Variants in DCP1A observed in about 807,000 individuals in gnomAD.
DCP1A encodes decapping mRNA 1A.
In DCP1A, 20 loss-of-function variants were observed where a neutral mutation model predicts 58.0. That is an observed-to-expected ratio of 0.34 (90% CI 0.24 to 0.50). DCP1A has a LOEUF of 0.50. Among genes scored for constraint, DCP1A ranks in the 20% least tolerant of loss-of-function variants. The probability of loss-of-function intolerance (pLI) is 0.98; values close to 1 mark genes in which losing one functional copy is unlikely to be tolerated. For synonymous variants in DCP1A, 285 were observed against 275.1 expected (o/e 1.04, Z -0.36); for missense variants, 613 against 712.2 (o/e 0.86, Z 1.59).
chr3:53,309,154 G>A (rs1479926702), intron 5 of DCP1A, among the ~76,000 whole-genome samples: 4 of 151,434 alleles, frequency 2.6e-5, no homozygotes, highest in Admixed American at 1.3e-4. Flanking sequence ...GGCCAATCAC[G>A]AGGTCAAGAG....
chr3:53,328,448 CAT>C (rs1708172025), intron 3 of DCP1A, among the ~76,000 whole-genome samples: 1 of 151,666 alleles, frequency 6.6e-6, no homozygotes, highest in Admixed American at 6.6e-5. Context: ...GAATATTTAA[CAT>C]AATTATCTAA....
rs374242631 is a variant in DCP1A at position 53,321,383 on chromosome 3, A to G, written c.305-1910T>C. On this transcript the variant is annotated intron_variant, in intron 3 of 9. Transcript: ENST00000610213. ...GGTTAACGGAGAGACTAAGTAACTT[A>G]TTAACAAATTAGAGAAAAAAATCAG... Among the ~76,000 whole-genome samples the G allele has an allele frequency of 1.1e-4, 16 of 152,360 alleles. No individual in the cohort carries two copies. In the South Asian group the frequency reaches 1.7e-3, roughly 16 times the overall value.
chr3:53,314,717 G>A (rs1382771228), intron 4 of DCP1A, among the ~76,000 whole-genome samples: 5 of 141,246 alleles, frequency 3.5e-5, no homozygotes, highest in Non-Finnish European at 7.6e-5. Flanking sequence ...TGTCACCCGG[G>A]CTAGAGTGCA....
intron 3 of DCP1A, among the ~76,000 whole-genome samples, chr3:53,341,577 T>C (rs1553692546): frequency 6.6e-6 from 1 of 152,168 alleles, no homozygotes; most frequent in Non-Finnish European, 1.5e-5. Flanking sequence ...CAGCTGATAG[T>C]CCACAGCTGC....
chr3:53,291,069 G>T (rs73843112), intron 7 of DCP1A, among the ~76,000 whole-genome samples: 1,569 of 152,234 alleles, frequency 0.01, 22 homozygotes, highest in African/African-American at 0.036. Flanking sequence ...AGAGCTCTGC[G>T]ACAGCCTCTC....
intron 3 of DCP1A, among the ~76,000 whole-genome samples, chr3:53,338,537 T>TGGGGTGGGTGTAGATGGGC (rs1454617141): frequency 8.3e-4 from 126 of 151,606 alleles, no homozygotes; most frequent in Non-Finnish European, 1.3e-3. Context: ...TCTTGAGGGG[T>TGGGGTGGGTGTAGATGGGC]GGGGTGGGTG....
At chr3:53,329,566 C>T (rs2106872593) in intron 3 of DCP1A, 3 of 387,534 alleles carry the variant, frequency 7.7e-6, no homozygotes, top group East Asian at 3.7e-5. Flanking sequence ...AGATATATGA[C>T]ATTAACTCCT....
At chr3:53,323,542 CA>C (rs1708029999) in intron 3 of DCP1A, among the ~76,000 whole-genome samples, 1 of 152,092 alleles carries the variant, frequency 6.6e-6, no homozygotes, top group African/African-American at 2.4e-5. Context: ...TTAATCTGGA[CA>C]TACCAAAACA....
chr3:53,299,198 T>C (rs979185534), intron 6 of DCP1A, among the ~76,000 whole-genome samples: 1 of 152,208 alleles, frequency 6.6e-6, no homozygotes, highest in African/African-American at 2.4e-5. Context: ...TTCCCAAAAG[T>C]TTCACAGTCT....
chr3:53,294,418 G>GCCAGC (rs1311937196), intron 6 of DCP1A, among the ~76,000 whole-genome samples: 1 of 152,100 alleles, frequency 6.6e-6, no homozygotes, highest in Non-Finnish European at 1.5e-5. Context: ...GCCTGGGCAG[G>GCCAGC]CCAGCCCAGC....
In DCP1A at chr3:53,342,214, T is replaced by C. The variant is rs1329582142; in HGVS notation, c.234A>G (p.Leu78=). Residue 78 remains leucine, a synonymous_variant, in exon 3 of 10, where the codon CTA becomes CTG. Coordinates refer to ENST00000610213, the MANE Select transcript of DCP1A (RefSeq NM_018403.7). ...TIVNRLNMHN[L]VEPVNKDLEF... ...CCAAATCTTTATTCACTGGTTCAAC[T>C]AGATTGTGCATATTTAGTCGATTCA... is the stretch of plus-strand genomic sequence containing the variant. The C allele has an allele frequency of 1.2e-6, 2 of 1,604,538 alleles. No individual in the cohort carries two copies. The highest frequency in any genetic ancestry group is 1.7e-6 in the Non-Finnish European group (2 of 1,173,968).
In DCP1A at chr3:53,306,508, A is replaced by G. The variant is rs541513696; in HGVS notation, c.511-2218T>C. ...GAGGCAGGAAGATCACTTGAGACCAAGAGTTCAAGACCAGCCTGGGCAACA... is the reference window on the plus strand; with the variant it reads ...GAGGCAGGAAGATCACTTGAGACCAGGAGTTCAAGACCAGCCTGGGCAACA... On this transcript the variant is annotated intron_variant, in intron 5 of 9. Coordinates refer to ENST00000610213, the MANE Select transcript of DCP1A (RefSeq NM_018403.7). 1.6e-4 allele frequency among the ~76,000 whole-genome samples: 25 copies of G among 152,232 alleles called. No individual in the cohort carries two copies. In the East Asian group the frequency reaches 4.8e-3, roughly 29 times the overall value.
chr3:53,325,997 G>GA (rs1192781845), intron 3 of DCP1A, among the ~76,000 whole-genome samples: 1 of 152,184 alleles, frequency 6.6e-6, no homozygotes, highest in Non-Finnish European at 1.5e-5. Context: ...ATATGGTAGA[G>GA]AAAGAGTCCA....
chr3:53,313,798 A>AGT (rs1707720204), intron 4 of DCP1A, among the ~76,000 whole-genome samples: 1 of 152,152 alleles, frequency 6.6e-6, no homozygotes, highest in African/African-American at 2.4e-5. Context: ...CTCTCATTAG[A>AGT]GTGTGGGGAA....
chr3:53,319,301 G>A, intron 4 of DCP1A, 106 bp downstream of exon 4: 2 of 664,350 alleles, frequency 3.0e-6, no homozygotes, highest in African/African-American at 1.8e-5. Flanking sequence ...AAAAGAAATT[G>A]GGGAAATACA....
chr3:53,284,575 C>T lies in DCP1A; in HGVS notation c.*3005G>A, dbSNP rs1245353225. 1.5e-5 allele frequency: 2 copies of T among 134,008 alleles called. No homozygotes were observed. Among genetic ancestry groups the T allele is most frequent in the African/African-American group, 5.6e-5 (2 of 35,428 alleles). 8.3% of individuals were successfully genotyped at this position (134,008 alleles called of 1,614,324 possible). A position where few individuals can be genotyped will look rare whatever the true frequency, so the allele number is the denominator to read the frequency against. On this transcript the variant is annotated 3_prime_UTR_variant, in exon 10 of 10. Transcript: ENST00000610213. ...TTTTTTTGAGGTGGAGTCTCACTGT[C>T]GCCCAGGCTAGAGTGCAGTGGTGTG...
chr3:53,336,849 T>TATTG lies in DCP1A; in HGVS notation c.304+5294_304+5295insCAAT, dbSNP rs1268786564. Among the ~76,000 whole-genome samples, 44 of 51,214 alleles carry TATTG rather than the reference T, an allele frequency of 8.6e-4. No individual in the cohort carries two copies. In the South Asian group the frequency reaches 0.018, roughly 21 times the overall value. 33.6% of individuals were successfully genotyped at this position (51,214 alleles called of 152,430 possible). ...TTCCTTCTAACCCAAAGCCCAGATT[T>TATTG]ATTTATTTATTTATTTATTTATTTA... On this transcript the variant is annotated intron_variant, in intron 3 of 9. Transcript: ENST00000610213.
At position 53,334,163 on chromosome 3, in the gene DCP1A, C is replaced by T. The variant is rs148543803; in HGVS notation, c.304+7981G>A. Among the ~76,000 whole-genome samples the T allele has an allele frequency of 9.0e-3, 1,361 of 152,048 alleles. 9 individuals are homozygous for T. Among genetic ancestry groups the T allele is most frequent in the Non-Finnish European group, 0.013 (866 of 67,974 alleles). On this transcript the variant is annotated intron_variant, in intron 3 of 9. Transcript: ENST00000610213. ...CTTGTGGTCCCAGCTACTTGGGAGG[C>T]TGAAATGGAAGGATCACTCAAGCCT...
intron 3 of DCP1A, 131 bp downstream of exon 3, chr3:53,342,013 G>C: frequency 1.3e-6 from 1 of 795,424 alleles, no homozygotes; most frequent in Non-Finnish European, 1.9e-6. Context: ...CTTTCCAACA[G>C]ACTCATTTAT....
Sources: gnomAD v4.1 joint callset for allele counts (sites outside exome capture counted in the v4.1 genomes callset) on GRCh38, gnomAD v4.1.1 for gene constraint, MANE v1.5 for transcripts, NCBI Gene and HGNC (gene_info 2026-07-23, HGNC 2026-07-21) for gene names.